NKAIN3: variants seen among roughly 807,000 people sequenced by gnomAD.
NKAIN3 encodes sodium/potassium transporting ATPase interacting 3.
A neutral mutation model predicts 30.2 loss-of-function variants in NKAIN3; 25 were observed. The observed-to-expected ratio is 0.83, with a 90% CI of 0.60 to 1.16. The LOEUF is 1.16. NKAIN3 is among the 50% of genes most tolerant of loss of function. NKAIN3 has a pLI of 0.00. For missense variants in NKAIN3, 225 were observed against 254.1 expected (o/e 0.89, Z 0.78); for synonymous variants, 91 against 89.6 (o/e 1.02, Z -0.09).
intron 1 of NKAIN3, among the ~76,000 whole-genome samples, chr8:62,532,369 C>T (rs968503109): frequency 6.6e-6 from 1 of 151,458 alleles, no homozygotes; most frequent in Non-Finnish European, 1.5e-5. Context: ...AGCTTCGCAC[C>T]TTCATGATCC....
In NKAIN3 at chr8:62,249,452, G is replaced by C. The variant is rs544970185; in HGVS notation, c.54+325G>C. Among the ~76,000 whole-genome samples, 6 of 152,372 alleles carry C rather than the reference G, an allele frequency of 3.9e-5. No individual in the cohort carries two copies. The South Asian group carries it at 8.3e-4, about 21-fold the overall frequency. ...GAGGGATTTTCCCGCCCCTTGATCC[G>C]ATACCTGGTTTAGCACCCTCCGCGT... On this transcript the variant is annotated intron_variant, in intron 1 of 6. Transcript: ENST00000623646.
At chr8:62,343,736 A>G (rs1241835337) in intron 1 of NKAIN3, among the ~76,000 whole-genome samples, 2 of 151,994 alleles carry the variant, frequency 1.3e-5, no homozygotes, top group Non-Finnish European at 2.9e-5. Flanking sequence ...TCTTGAGTCC[A>G]GGAGTTTGAG....
chr8:62,291,157 C>A (rs1372568709), intron 1 of NKAIN3, among the ~76,000 whole-genome samples: 7 of 152,078 alleles, frequency 4.6e-5, no homozygotes, highest in Admixed American at 1.3e-4. Flanking sequence ...TGCTAGCAGT[C>A]CATCAATTTT....
At chr8:62,587,784 C>T (rs192059856) in intron 2 of NKAIN3, among the ~76,000 whole-genome samples, 202 of 152,042 alleles carry the variant, frequency 1.3e-3, no homozygotes, top group Admixed American at 9.0e-3. Context: ...TTGTCAAAAA[C>T]GTAGGAACTG....
chr8:62,781,691 C>CA (rs962198424), intron 4 of NKAIN3, among the ~76,000 whole-genome samples: 31 of 149,328 alleles, frequency 2.1e-4, no homozygotes, highest in South Asian at 4.2e-4. Context: ...AAACCGTCTT[C>CA]AAAAAAAAAG....
chr8:62,346,429 A>C (rs1162431865), intron 1 of NKAIN3, among the ~76,000 whole-genome samples: 1 of 152,090 alleles, frequency 6.6e-6, no homozygotes, highest in Non-Finnish European at 1.5e-5. Context: ...TTAGCCAATA[A>C]ATTATAAGAT....
At chr8:62,251,484 TGGTGA>T (rs1258380751) in intron 1 of NKAIN3, among the ~76,000 whole-genome samples, 16 of 152,304 alleles carry the variant, frequency 1.1e-4, no homozygotes, top group African/African-American at 3.8e-4. Flanking sequence ...ACATGAATGC[TGGTGA>T]ATATTTTTGT....
intron 5 of NKAIN3, among the ~76,000 whole-genome samples, chr8:62,998,947 AT>A (rs1183116395): frequency 1.3e-5 from 2 of 152,134 alleles, no homozygotes; most frequent in Non-Finnish European, 2.9e-5. Flanking sequence ...TGTGATTTTA[AT>A]TTGCATTTCC....
chr8:62,551,736 G>T (rs937303925), intron 1 of NKAIN3, among the ~76,000 whole-genome samples: 1 of 152,158 alleles, frequency 6.6e-6, no homozygotes, highest in South Asian at 2.1e-4. Context: ...TTTAGCAAAA[G>T]AATTTTAGAT....
At chr8:62,560,386 C>T (rs1809528431) in intron 1 of NKAIN3, among the ~76,000 whole-genome samples, 1 of 151,914 alleles carries the variant, frequency 6.6e-6, no homozygotes, top group Non-Finnish European at 1.5e-5. Flanking sequence ...TTCCAGTATT[C>T]TAGTGACTTA....
At chr8:62,294,704 T>C (rs1563922940) in intron 1 of NKAIN3, among the ~76,000 whole-genome samples, 1 of 151,948 alleles carries the variant, frequency 6.6e-6, no homozygotes, top group African/African-American at 2.4e-5. Context: ...TGCTGGTAAA[T>C]TTTTGTATTT....
At position 62,319,001 on chromosome 8, in the gene NKAIN3, C is replaced by T. The variant is rs181417871; in HGVS notation, c.54+69874C>T. 4.6e-3 allele frequency among the ~76,000 whole-genome samples: 707 copies of T among 152,232 alleles called. 3 individuals are homozygous for T. Among genetic ancestry groups the T allele is most frequent in the Non-Finnish European group, 8.1e-3 (553 of 68,008 alleles). ...GTTGGTAAGCTATTAATTATTGCTT[C>T]AATTTCAGAGCCTGTTATTGGTCTA... On this transcript the variant is annotated intron_variant, in intron 1 of 6. Coordinates refer to ENST00000623646, the MANE Select transcript of NKAIN3 (RefSeq NM_001304533.3).
At chr8:62,875,166 T>C (rs1233426164) in intron 4 of NKAIN3, among the ~76,000 whole-genome samples, 1 of 152,022 alleles carries the variant, frequency 6.6e-6, no homozygotes, top group Non-Finnish European at 1.5e-5. Flanking sequence ...TCACAACCAT[T>C]CCTATACACC....
At chr8:62,401,013 T>TTCTCTCTCTCTCTCTC (rs71559370) in intron 1 of NKAIN3, among the ~76,000 whole-genome samples, 8,505 of 143,598 alleles carry the variant, frequency 0.059, 426 homozygotes, top group Middle Eastern at 0.094. Flanking sequence ...CTTTCTACCT[T>TTCTCTCTCTCTCTCTC]TCTCTCACTC....
intron 1 of NKAIN3, among the ~76,000 whole-genome samples, chr8:62,263,700 A>C (rs1812518291): frequency 6.6e-6 from 1 of 152,126 alleles, no homozygotes; most frequent in Non-Finnish European, 1.5e-5. Flanking sequence ...AGATTGAAAT[A>C]GATGTGACTG....
intron 1 of NKAIN3, among the ~76,000 whole-genome samples, chr8:62,420,578 A>T (rs1804605238): frequency 6.6e-6 from 1 of 152,176 alleles, no homozygotes; most frequent in Admixed American, 6.5e-5. Flanking sequence ...TATGGAGTTT[A>T]TGTAGCCTTT....
intron 4 of NKAIN3, among the ~76,000 whole-genome samples, chr8:62,882,532 G>T (rs1440679208): frequency 6.6e-6 from 1 of 152,024 alleles, no homozygotes; most frequent in Middle Eastern, 3.2e-3. Flanking sequence ...TGGCCAGGCT[G>T]GTCTCGAACT....
chr8:62,509,734 C>T (rs1470037244), intron 1 of NKAIN3, among the ~76,000 whole-genome samples: 1 of 152,122 alleles, frequency 6.6e-6, no homozygotes, highest in Non-Finnish European at 1.5e-5. Context: ...TATCGTAACT[C>T]TCCTAAATAT....
At chr8:62,813,003 T>G (rs1391001449) in intron 4 of NKAIN3, among the ~76,000 whole-genome samples, 1 of 151,966 alleles carries the variant, frequency 6.6e-6, no homozygotes, top group Non-Finnish European at 1.5e-5. Context: ...GCTGAAGTAG[T>G]ACCTTTACTA....
Sources: gnomAD v4.1 joint callset for allele counts (sites outside exome capture counted in the v4.1 genomes callset) on GRCh38, gnomAD v4.1.1 for gene constraint, MANE v1.5 for transcripts, NCBI Gene and HGNC (gene_info 2026-07-23, HGNC 2026-07-21) for gene names.